COL24A1: variants seen among roughly 807,000 people sequenced by gnomAD.
COL24A1 encodes collagen alpha-1(XXIV) chain.
A neutral mutation model predicts 253.9 loss-of-function variants in COL24A1; 224 were observed. The observed-to-expected ratio is 0.88, with a 90% confidence interval of 0.79 to 0.99. The LOEUF (loss-of-function observed/expected upper bound fraction) is 0.99, where lower values mean the gene tolerates loss of function less well. Among genes scored for constraint, COL24A1 ranks in the 50% least tolerant of loss-of-function variants. The probability of loss-of-function intolerance (pLI) is 0.00; values close to 1 mark genes in which losing one functional copy is unlikely to be tolerated. For synonymous variants in COL24A1, 685 were observed against 673.7 expected, an observed-to-expected ratio of 1.02 and a Z score of -0.26; for missense variants, 2,131 against 2,068.5, an observed-to-expected ratio of 1.03 and a Z score of -0.59.
intron 5 of COL24A1, among the ~76,000 whole-genome samples, chr1:86,095,021 A>C (rs982550632): frequency 1.3e-5 from 2 of 152,042 alleles, no homozygotes; most frequent in Admixed American, 1.3e-4. Flanking sequence ...TTATTATAAA[A>C]GCTAACTAGT....
intron 24 of COL24A1, among the ~76,000 whole-genome samples, chr1:85,933,248 C>T (rs1178136327): frequency 3.9e-5 from 6 of 152,038 alleles, no homozygotes; most frequent in African/African-American, 1.4e-4. Flanking sequence ...TTACTCTATT[C>T]AGTATCTAAT....
intron 28 of COL24A1, among the ~76,000 whole-genome samples, chr1:85,897,432 A>C (rs1308152956): frequency 6.6e-6 from 1 of 152,008 alleles, no homozygotes; most frequent in Non-Finnish European, 1.5e-5. Flanking sequence ...AAAAAAAGAA[A>C]TAAAGTTTAG....
intron 7 of COL24A1, among the ~76,000 whole-genome samples, chr1:86,086,319 AAACCC>A (rs1470494196): frequency 6.6e-6 from 1 of 152,122 alleles, no homozygotes; most frequent in Non-Finnish European, 1.5e-5. Flanking sequence ...CCATAGCCCC[AAACCC>A]AGCTCCAAGT....
chr1:85,898,353 G>C (rs1320180762), intron 28 of COL24A1, among the ~76,000 whole-genome samples: 1 of 152,096 alleles, frequency 6.6e-6, no homozygotes, highest in African/African-American at 2.4e-5. Flanking sequence ...GGAACTCTTA[G>C]GGTAACTGCA....
chr1:85,998,826 G>GT (rs1695123517), intron 19 of COL24A1, among the ~76,000 whole-genome samples: 1 of 152,198 alleles, frequency 6.6e-6, no homozygotes, highest in African/African-American at 2.4e-5. Context: ...GCATATGCAA[G>GT]TATCATCTAG....
chr1:86,001,120 C>T (rs575216260), intron 19 of COL24A1, among the ~76,000 whole-genome samples: 7 of 148,706 alleles, frequency 4.7e-5, no homozygotes, highest in Admixed American at 4.6e-4. Flanking sequence ...CCATGAAAAG[C>T]TAAATGCACT....
intron 53 of COL24A1, among the ~76,000 whole-genome samples, chr1:85,763,556 A>C (rs1232777729): frequency 7.3e-6 from 1 of 137,468 alleles, no homozygotes; most frequent in Admixed American, 7.9e-5. Flanking sequence ...CAGTGGTGCG[A>C]TCTCGGCTCA....
chr1:86,100,460 G>A (rs1009552398), intron 5 of COL24A1, among the ~76,000 whole-genome samples: 1 of 152,010 alleles, frequency 6.6e-6, no homozygotes, highest in African/African-American at 2.4e-5. Flanking sequence ...AAATAATGAT[G>A]TGGTATAATA....
chr1:86,111,758 G>A (rs555815415), intron 5 of COL24A1, among the ~76,000 whole-genome samples: 2 of 152,032 alleles, frequency 1.3e-5, no homozygotes, highest in Non-Finnish European at 1.5e-5. Context: ...CTTCATTCCC[G>A]AGGCCAGCGA....
intron 25 of COL24A1, 131 bp from the exon 26 acceptor site, chr1:85,910,134 AT>A: frequency 1.9e-6 from 1 of 536,578 alleles, no homozygotes; most frequent in South Asian, 3.8e-5. Context: ...ATTTCCAATA[AT>A]TTTTAAATTT....
intron 38 of COL24A1, 50 bp from the exon 39 acceptor site, chr1:85,847,822 A>G (rs1358179930): frequency 8.6e-7 from 1 of 1,167,174 alleles, no homozygotes; most frequent in African/African-American, 1.5e-5. Context: ...ATTTATACTT[A>G]GATTAATTAA....
At position 86,125,232 on chromosome 1, in the gene COL24A1, G is replaced by A. The variant is rs2174767; in HGVS notation, c.1104C>T (p.Ser368=). ...TATTGTCAGACATGTTTAGGAGAGAGCTAAATTTCTCTTTGGTATTCATTT... is the reference window on the plus strand; with the variant it reads ...TATTGTCAGACATGTTTAGGAGAGAACTAAATTTCTCTTTGGTATTCATTT... ...EAKMNTKEKF[S]SLLNMSDNIT... The change falls in exon 3 of 60, where the codon AGC becomes AGT. Residue 368 remains serine (S), a synonymous_variant. Coordinates refer to ENST00000370571, the MANE Select transcript of COL24A1 (RefSeq NM_152890.7). 1,603,161 of 1,613,552 alleles carry A rather than the reference G, an allele frequency of 0.99. 796,748 individuals carry two copies. Among genetic ancestry groups the A allele is most frequent in the Non-Finnish European group, 1 (1,179,363 of 1,179,804 alleles).
chr1:85,901,811 T>A (rs1684324078), intron 28 of COL24A1, among the ~76,000 whole-genome samples: 1 of 95,458 alleles, frequency 1.0e-5, no homozygotes, highest in African/African-American at 4.3e-5. Context: ...GACAACAGGA[T>A]GAGACTCCGT....
intron 4 of COL24A1, among the ~76,000 whole-genome samples, chr1:86,114,351 T>C (rs1705918119): frequency 6.6e-6 from 1 of 152,202 alleles, no homozygotes; most frequent in South Asian, 2.1e-4. Context: ...ATTCTGAACC[T>C]GAAGTTCATG....
intron 48 of COL24A1, among the ~76,000 whole-genome samples, chr1:85,784,815 T>G (rs1236032246): frequency 2.6e-5 from 4 of 152,026 alleles, no homozygotes; most frequent in Non-Finnish European, 1.5e-5. Context: ...ACTGCAGCCT[T>G]AAACTCCTGG....
intron 47 of COL24A1, among the ~76,000 whole-genome samples, chr1:85,802,381 A>AT (rs1353824115): frequency 6.6e-6 from 1 of 152,126 alleles, no homozygotes; most frequent in Non-Finnish European, 1.5e-5. Context: ...TTCTTTAAGC[A>AT]CATCCAGTTC....
intron 14 of COL24A1, among the ~76,000 whole-genome samples, chr1:86,024,215 A>G (rs898395563): frequency 6.6e-6 from 1 of 152,084 alleles, no homozygotes; most frequent in African/African-American, 2.4e-5. Context: ...CTTTGACAAG[A>G]CAGTTACCAG....
At chr1:85,874,055 C>A (rs574940890) in intron 35 of COL24A1, among the ~76,000 whole-genome samples, 28 of 152,220 alleles carry the variant, frequency 1.8e-4, no homozygotes, top group African/African-American at 6.3e-4. Context: ...AAGCCAGATG[C>A]AAAATATATC....
intron 7 of COL24A1, among the ~76,000 whole-genome samples, chr1:86,087,935 C>T (rs1362573395): frequency 6.6e-6 from 1 of 152,126 alleles, no homozygotes; most frequent in Non-Finnish European, 1.5e-5. Context: ...GGTGTGGTCA[C>T]TCAAGGTAAA....
Sources: allele counts gnomAD v4.1 joint callset (sites outside exome capture counted in the v4.1 genomes callset), GRCh38; gene constraint gnomAD v4.1.1; transcripts MANE v1.5; gene names NCBI Gene and HGNC (gene_info 2026-07-23, HGNC 2026-07-21).